Variants in CD58 observed in about 807,000 individuals in gnomAD.
CD58 encodes the protein lymphocyte function-associated antigen 3.
CD58 carries 14 observed loss-of-function variants against 27.6 expected under a neutral mutation model. That is an observed-to-expected ratio of 0.51 (90% CI 0.34 to 0.79). The LOEUF is 0.79. CD58 is among the 30% of genes least tolerant of loss of function. CD58 has a pLI of 0.02. For synonymous variants in CD58, 117 were observed against 103.8 expected (o/e 1.13, Z -0.77); for missense variants, 268 against 301.7 (o/e 0.89, Z 0.83).
chr1:116,565,704 T>TTTTTG (rs1431488158), intron 1 of CD58, among the ~76,000 whole-genome samples: 6 of 151,504 alleles, frequency 4.0e-5, no homozygotes, highest in African/African-American at 1.2e-4. Flanking sequence ...AAATAACTTT[T>TTTTTG]TTTTGTTTTG....
chr1:116,532,875 G>T lies in CD58; in HGVS notation c.628+3090C>A. ...TTGTGCCGCATGCGGCAAAGACTGA[G>T]GCCTCCCGCTACAGGCCCGGAGTCG... On this transcript the variant is annotated intron_variant, in intron 3 of 5. Coordinates refer to ENST00000369489, the MANE Select transcript of CD58 (RefSeq NM_001779.3). This position sits in a 1 kb window ranked among gnomAD's most constrained non-coding sequence, Gnocchi z 5.1. 1.4e-6 allele frequency: 1 copy of T among 698,888 alleles called. No individual in the cohort carries two copies. Among genetic ancestry groups the T allele is most frequent in the South Asian group, 1.5e-5 (1 of 65,472 alleles). The allele number at this position is 698,888 out of a possible 1,614,324, so 43.3% of individuals were successfully genotyped here.
intron 1 of CD58, among the ~76,000 whole-genome samples, chr1:116,549,274 A>G (rs939952076): frequency 6.6e-6 from 1 of 152,228 alleles, no homozygotes; most frequent in African/African-American, 2.4e-5. Context: ...TCAGGTGTCA[A>G]TAAGAACATT....
chr1:116,568,327 A>T (rs72999949), intron 1 of CD58, among the ~76,000 whole-genome samples: 7,313 of 152,282 alleles, frequency 0.048, 542 homozygotes, highest in African/African-American at 0.17. Flanking sequence ...TGGCAAAAAT[A>T]ACAAAGAAAA....
Position 116,528,177 on chromosome 1 carries a change from CTG to C in CD58, c.629-6196_629-6195del, listed in dbSNP as rs1211364105. 1.3e-5 allele frequency among the ~76,000 whole-genome samples: 2 copies of C among 152,238 alleles called. No homozygotes were observed. The highest frequency in any genetic ancestry group is 2.9e-5 in the Non-Finnish European group (2 of 68,032). On this transcript the variant is annotated intron_variant, in intron 3 of 5. Coordinates refer to ENST00000369489, the MANE Select transcript of CD58 (RefSeq NM_001779.3). The surrounding 1 kb of genome is among the most constrained non-coding windows in gnomAD (Gnocchi z 4.4). ...AATCAGTCCAAAAATCCTCCTACTT[CTG>C]TTTCTGCCTGTTACATTTCATCTGG...
rs957870358 is a variant in CD58, at chr1:116,519,967, T to C, written c.707-700A>G. ...TGGTTCAGAAGCTTAGTCAATAGGGTTGACTAGAGCTTATAAAGTTGTCTG... is the reference window on the plus strand; with the variant it reads ...TGGTTCAGAAGCTTAGTCAATAGGGCTGACTAGAGCTTATAAAGTTGTCTG... On this transcript the variant is annotated intron_variant, in intron 4 of 5. Coordinates refer to ENST00000369489, the MANE Select transcript of CD58 (RefSeq NM_001779.3). This position sits in a 1 kb window ranked among gnomAD's most constrained non-coding sequence, Gnocchi z 4.7. 6.6e-6 allele frequency among the ~76,000 whole-genome samples: 1 copy of C among 152,174 alleles called. No homozygotes were observed. The highest frequency in any genetic ancestry group is 2.4e-5 in the African/African-American group (1 of 41,434).
rs752524798 is a variant in CD58, at chr1:116,544,556, T to C, written c.119A>G (p.Asn40Ser). The C allele has an allele frequency of 3.7e-6, 6 of 1,613,414 alleles. No individual in the cohort carries two copies. The African/African-American group carries it at 8.0e-5, about 22-fold the overall frequency. ...SQQIYGVVYGNVTFHVPSNVP... is the reference protein window; with the variant it reads ...SQQIYGVVYGSVTFHVPSNVP... ...ATTGCTTGGTACATGGAAAGTTACA[T>C]TCCCATACACAACACCATATATTTG... is the stretch of plus-strand genomic sequence containing the variant. Residue 40 changes from asparagine to serine, a missense_variant, in exon 2 of 6, where the codon AAT becomes AGT. Coordinates refer to ENST00000369489, the MANE Select transcript of CD58 (RefSeq NM_001779.3).
At chr1:116,565,095 C>T (rs1039299565) in intron 1 of CD58, among the ~76,000 whole-genome samples, 1 of 152,210 alleles carries the variant, frequency 6.6e-6, no homozygotes, top group Non-Finnish European at 1.5e-5. Flanking sequence ...ACCAACCTCC[C>T]TGCTCTTCCT....
rs1312448884 is a variant in CD58, at chr1:116,546,314, A to T, written c.71-1710T>A. Among the ~76,000 whole-genome samples, 1 of 152,220 alleles carries T rather than the reference A, an allele frequency of 6.6e-6. No individual in the cohort carries two copies. Among genetic ancestry groups the T allele is most frequent in the Non-Finnish European group, 1.5e-5 (1 of 68,036 alleles). ...AACACTGAATGACCAGTTGTAGACA[A>T]CTGTGTTAGTAATTTCAGATAAGAA... On this transcript the variant is annotated intron_variant, in intron 1 of 5. Coordinates refer to ENST00000369489, the MANE Select transcript of CD58 (RefSeq NM_001779.3). This position sits in a 1 kb window ranked among gnomAD's most constrained non-coding sequence, Gnocchi z 4.1.
At chr1:116,554,489 C>T (rs1315274763) in intron 1 of CD58, among the ~76,000 whole-genome samples, 1 of 151,934 alleles carries the variant, frequency 6.6e-6, no homozygotes, top group Non-Finnish European at 1.5e-5. Context: ...AGTTTGATAC[C>T]AGCCTGGGCA....
At position 116,557,130 on chromosome 1, in the gene CD58, C is replaced by T. The variant is rs1658592958; in HGVS notation, c.71-12526G>A. 6.6e-6 allele frequency among the ~76,000 whole-genome samples: 1 copy of T among 152,170 alleles called. No homozygotes were observed. Among genetic ancestry groups the T allele is most frequent in the East Asian group, 1.9e-4 (1 of 5,202 alleles). The stretch of plus-strand genomic sequence containing the variant: ...AATAAATATCTGTTGAATGAATTAA[C>T]TAAAATGATTAAAATACAACTTAAA... On this transcript the variant is annotated intron_variant, in intron 1 of 5. Coordinates refer to ENST00000369489, the MANE Select transcript of CD58 (RefSeq NM_001779.3). The surrounding 1 kb of genome is among the most constrained non-coding windows in gnomAD (Gnocchi z 5.2).
chr1:116,564,091 A>G (rs1658855090), intron 1 of CD58, among the ~76,000 whole-genome samples: 1 of 152,244 alleles, frequency 6.6e-6, no homozygotes, highest in South Asian at 2.1e-4. Context: ...CACCTCTTGA[A>G]TGCTTTGCTG....
Position 116,563,495 on chromosome 1 carries a change from C to G in CD58, c.70+7408G>C, listed in dbSNP as rs1262698080. ...TCCACACTGCCCTAGCAGAGGTTCT[C>G]CATGAGGGTCCCACTCCTGCAGCAA... On this transcript the variant is annotated intron_variant, in intron 1 of 5. Coordinates refer to ENST00000369489, the MANE Select transcript of CD58 (RefSeq NM_001779.3). This position sits in a 1 kb window ranked among gnomAD's most constrained non-coding sequence, Gnocchi z 4.1. 1.3e-5 allele frequency among the ~76,000 whole-genome samples: 2 copies of G among 152,186 alleles called. No homozygotes were observed. Among genetic ancestry groups the G allele is most frequent in the African/African-American group, 2.4e-5 (1 of 41,464 alleles).
In CD58 at chr1:116,536,322, C is replaced by T. The variant is rs1657808082; in HGVS notation, c.365-94G>A. 1.1e-6 allele frequency: 1 copy of T among 905,968 alleles called. No homozygotes were observed. The highest frequency in any genetic ancestry group is 2.7e-5 in the Admixed American group (1 of 36,668). 56.1% of individuals were successfully genotyped at this position (905,968 alleles called of 1,614,324 possible). A position where few individuals can be genotyped will look rare whatever the true frequency, so the allele number is the denominator to read the frequency against. ...GAAGAGCTCGCAACCTCCTTACAAGCTTGAAAGGATGAGCAGACAAACTCC... is the reference window on the plus strand; with the variant it reads ...GAAGAGCTCGCAACCTCCTTACAAGTTTGAAAGGATGAGCAGACAAACTCC... On this transcript the variant is annotated intron_variant, in intron 2 of 5. Transcript: ENST00000369489. This position sits in a 1 kb window ranked among gnomAD's most constrained non-coding sequence, Gnocchi z 5.4.
rs551438908 is a variant in CD58, at chr1:116,546,227, T to G, written c.71-1623A>C. ...AGTTAACATTAAAGAGCAATTAAAA[T>G]TTGACTGAAGTTTTTGCCTAGTAGC... On this transcript the variant is annotated intron_variant, in intron 1 of 5. Coordinates refer to ENST00000369489, the MANE Select transcript of CD58 (RefSeq NM_001779.3). This position sits in a 1 kb window ranked among gnomAD's most constrained non-coding sequence, Gnocchi z 4.1. Among the ~76,000 whole-genome samples the G allele has an allele frequency of 5.8e-4, 88 of 152,288 alleles. No individual in the cohort carries two copies. Among genetic ancestry groups the G allele is most frequent in the Non-Finnish European group, 1.0e-3 (68 of 68,028 alleles).
At chr1:116,542,756 C>T (rs1032250854) in intron 2 of CD58, among the ~76,000 whole-genome samples, 3 of 152,140 alleles carry the variant, frequency 2.0e-5, no homozygotes, top group Non-Finnish European at 4.4e-5. Flanking sequence ...GAAAGTTTAA[C>T]TTCAGGTGAG....
intron 1 of CD58, among the ~76,000 whole-genome samples, chr1:116,569,071 G>A (rs895389441): frequency 2.6e-5 from 4 of 152,240 alleles, no homozygotes; most frequent in African/African-American, 9.6e-5. Context: ...CAAATAATCT[G>A]TTGGAGGTGG....
intron 3 of CD58, among the ~76,000 whole-genome samples, chr1:116,526,641 T>C (rs917796836): frequency 2.0e-5 from 3 of 152,204 alleles, no homozygotes; most frequent in African/African-American, 7.2e-5. Context: ...TACAATTTTG[T>C]TCTCCTTCAA....
At chr1:116,561,568 G>A (rs1159109671) in intron 1 of CD58, among the ~76,000 whole-genome samples, 1 of 152,144 alleles carries the variant, frequency 6.6e-6, no homozygotes. Flanking sequence ...ATACAATTTT[G>A]CATGACTGGT....
At position 116,536,123 on chromosome 1, in the gene CD58, T is replaced by G; in HGVS notation, c.470A>C (p.Tyr157Ser). The change falls in exon 3 of 6, where the codon TAC (tyrosine) becomes TCC (serine). Residue 157 changes from tyrosine to serine, a missense_variant. Physicochemically the swap from Tyr to Ser is moderately radical, Grantham distance 144. Transcript: ENST00000369489. The surrounding 1 kb of genome is among the most constrained non-coding windows in gnomAD (Gnocchi z 5.4). ...TTGCTCCATAGGACAATCCCATGAG[T>G]ACATTATAAGTCCTCGATGGCTGTT... ...HYNSHRGLIM[Y>S]SWDCPMEQCK... The G allele has an allele frequency of 6.2e-7, 1 of 1,613,724 alleles. No individual in the cohort carries two copies. Among genetic ancestry groups the G allele is most frequent in the Non-Finnish European group, 8.5e-7 (1 of 1,179,686 alleles).
Sources: allele counts gnomAD v4.1 joint callset (sites outside exome capture counted in the v4.1 genomes callset), GRCh38; gene constraint gnomAD v4.1.1; non-coding constraint Gnocchi (gnomAD v3.1); transcripts MANE v1.5; gene names NCBI Gene and HGNC (gene_info 2026-07-23, HGNC 2026-07-21).